The following MYOF variants were observed in gnomAD, a reference collection of about 807,000 sequenced individuals.
MYOF encodes myoferlin.
A neutral mutation model predicts 284.2 loss-of-function variants in MYOF; 244 were observed. That is an observed-to-expected ratio of 0.86 (90% confidence interval 0.77 to 0.95). The LOEUF is 0.95. MYOF is among the 40% of genes least tolerant of loss of function. The pLI, the probability that MYOF is intolerant of heterozygous loss-of-function variation, is 0.00. For missense variants in MYOF, 2,496 were observed against 2,560.6 expected (o/e 0.97, Z 0.54); for synonymous variants, 904 against 919.7 (o/e 0.98, Z 0.31).
At chr10:93,331,119 A>G (rs1324802799) in intron 43 of MYOF, among the ~76,000 whole-genome samples, 3 of 152,272 alleles carry the variant, frequency 2.0e-5, no homozygotes, top group African/African-American at 7.2e-5. Context: ...TGGAACATCA[A>G]TTAATATCCT....
At chr10:93,388,712 GT>G (rs1484473859) in intron 18 of MYOF, among the ~76,000 whole-genome samples, 1 of 152,184 alleles carries the variant, frequency 6.6e-6, no homozygotes, top group Non-Finnish European at 1.5e-5. Context: ...GGGTTTCAGG[GT>G]GCATGCCACT....
intron 3 of MYOF, among the ~76,000 whole-genome samples, chr10:93,432,816 T>G (rs17481297): frequency 0.13 from 19,889 of 152,238 alleles, 1,359 homozygotes; most frequent in Middle Eastern, 0.19. Flanking sequence ...TTTTACTCAC[T>G]ACTCTAACAC....
chr10:93,425,363 T>G (rs1848539893), intron 5 of MYOF, among the ~76,000 whole-genome samples: 1 of 151,938 alleles, frequency 6.6e-6, no homozygotes, highest in Non-Finnish European at 1.5e-5. Flanking sequence ...GACAGAGACT[T>G]TTAGCATCAC....
chr10:93,381,290 T>A lies in MYOF; in HGVS notation c.1805A>T (p.Tyr602Phe), dbSNP rs1467316480. 6.2e-7 allele frequency: 1 copy of A among 1,614,208 alleles called. No homozygotes were observed. Among genetic ancestry groups the A allele is most frequent in the Non-Finnish European group, 8.5e-7 (1 of 1,180,042 alleles). Residue 602 changes from tyrosine (Y) to phenylalanine (F), a missense_variant, in exon 20 of 54, where the codon TAT (tyrosine) becomes TTT (phenylalanine). Tyr to Phe is a conservative substitution (Grantham distance 22, BLOSUM62 3). Coordinates refer to ENST00000359263, the MANE Select transcript of MYOF (RefSeq NM_013451.4). ...AIQFEVSIGN[Y>F]GNKFDTTCKP... ...ACAGGTGGTGTCAAACTTGTTGCCA[T>A]AGTTCCCAATGCTGACTTCAAACTG...
intron 5 of MYOF, chr10:93,425,732 C>T: frequency 3.4e-6 from 1 of 292,660 alleles, no homozygotes; most frequent in Non-Finnish European, 6.5e-6. Flanking sequence ...GGGGCCACTC[C>T]TTGAGCCAAA....
intron 19 of MYOF, among the ~76,000 whole-genome samples, chr10:93,386,186 T>C (rs922044183): frequency 1.3e-5 from 2 of 152,242 alleles, no homozygotes; most frequent in African/African-American, 2.4e-5. Context: ...AGAACCACCA[T>C]GTGTCTCCAC....
At chr10:93,386,466 T>A (rs1589481652) in intron 19 of MYOF, among the ~76,000 whole-genome samples, 1 of 152,170 alleles carries the variant, frequency 6.6e-6, no homozygotes, top group Admixed American at 6.5e-5. Context: ...GGGGAAGAAC[T>A]ATTTATTTTC....
chr10:93,353,416 A>G (rs915610283), intron 32 of MYOF, among the ~76,000 whole-genome samples: 4 of 152,224 alleles, frequency 2.6e-5, no homozygotes, highest in African/African-American at 9.6e-5. Flanking sequence ...CAAATGGGCA[A>G]ACTTATCATC....
intron 6 of MYOF, 138 bp from the exon 7 acceptor site, chr10:93,409,053 C>A: frequency 1.5e-6 from 2 of 1,337,108 alleles, no homozygotes; most frequent in South Asian, 1.4e-5. Context: ...ATACCAGGTG[C>A]TACCAATTGG....
In MYOF at chr10:93,306,471, A is replaced by C. The variant is rs1371436225; in HGVS notation, c.*492T>G. On this transcript the variant is annotated 3_prime_UTR_variant, in exon 54 of 54. Transcript: ENST00000359263. ...TATTTAGTTTCATTACAGAGGTTAA[A>C]TAGACTTTTATGACATCCATACAAA... is the stretch of plus-strand genomic sequence containing the variant. The C allele has an allele frequency of 6.5e-6, 1 of 153,072 alleles. No homozygotes were observed. The highest frequency in any genetic ancestry group is 6.5e-5 in the Admixed American group (1 of 15,292). 9.5% of individuals were successfully genotyped at this position (153,072 alleles called of 1,614,324 possible). A position where few individuals can be genotyped will look rare whatever the true frequency, so the allele number is the denominator to read the frequency against.
In MYOF at chr10:93,449,371, G is replaced by A. The variant is rs951874470; in HGVS notation, c.236+2679C>T. Among the ~76,000 whole-genome samples the A allele has an allele frequency of 1.2e-4, 19 of 152,280 alleles. 1 individual carries two copies. The highest frequency in any genetic ancestry group is 1.0e-3 in the Admixed American group (16 of 15,302). On this transcript the variant is annotated intron_variant, in intron 3 of 53. Transcript: ENST00000359263. ...CCTGCACTGTATTTCTGTTGGAGAGGCCTGGTCTAGAATATAAACAGTGGT... is the reference window on the plus strand; with the variant it reads ...CCTGCACTGTATTTCTGTTGGAGAGACCTGGTCTAGAATATAAACAGTGGT...
chr10:93,377,535 CAA>C, intron 21 of MYOF, 106 bp from the exon 22 acceptor site: 1 of 809,846 alleles, frequency 1.2e-6, no homozygotes, highest in Non-Finnish European at 1.9e-6. Flanking sequence ...TTTGTATATT[CAA>C]AAAACAAATA....
intron 1 of MYOF, among the ~76,000 whole-genome samples, chr10:93,466,409 A>T (rs2057010200): frequency 6.6e-6 from 1 of 152,216 alleles, no homozygotes; most frequent in Non-Finnish European, 1.5e-5. Context: ...CTCCACACCC[A>T]GTGCCCCACT....
At chr10:93,431,561 AG>A (rs1278718145) in intron 3 of MYOF, 45 bp from the exon 4 acceptor site, 1 of 1,488,526 alleles carries the variant, frequency 6.7e-7, no homozygotes, top group Non-Finnish European at 9.3e-7. Context: ...AGTAGGAGAT[AG>A]GCTTCCAATG....
chr10:93,361,330 G>T, intron 28 of MYOF, 122 bp downstream of exon 28: 5 of 892,364 alleles, frequency 5.6e-6, no homozygotes, highest in Non-Finnish European at 8.7e-6. Flanking sequence ...TCTGGCCTGG[G>T]GGCTGGGGAC....
rs746517983 is a variant in MYOF, at chr10:93,392,943, GAAGAT to G, written c.1425_1429del (p.Ser476GlyfsTer44). 3.7e-6 allele frequency: 6 copies of G among 1,612,102 alleles called. No homozygotes were observed. Among genetic ancestry groups the G allele is most frequent in the Admixed American group, 1.7e-5 (1 of 59,992 alleles). ...TGTATATGATGCAGCCCCAGTTCCC[GAAGAT>G]GAGAAATCTATATAGTAAAAATATG... On this transcript the variant is annotated frameshift_variant, in exon 17 of 54. Coordinates refer to ENST00000359263, the MANE Select transcript of MYOF (RefSeq NM_013451.4). LOFTEE classifies it high-confidence loss of function.
rs1330835182 is a variant in MYOF at position 93,478,833 on chromosome 10, A to AG, written c.88+3273_88+3274insC. On this transcript the variant is annotated intron_variant, in intron 1 of 53. Transcript: ENST00000359263. ...GCAGGGTGAAACAGTCTCAAAAAAA[A>AG]AAAAAAAAAAGAAAGAAAGAAAGAA... Among the ~76,000 whole-genome samples the AG allele has an allele frequency of 4.2e-3, 417 of 99,224 alleles. 3 individuals carry two copies. Among genetic ancestry groups the AG allele is most frequent in the Middle Eastern group, 9.8e-3 (2 of 204 alleles). The allele number at this position is 99,224 out of a possible 152,430, so 65.1% of individuals were successfully genotyped here. A position where few individuals can be genotyped will look rare whatever the true frequency, so the allele number is the denominator to read the frequency against.
intron 39 of MYOF, among the ~76,000 whole-genome samples, chr10:93,339,594 C>T (rs1300283758): frequency 5.0e-5 from 6 of 120,112 alleles, no homozygotes; most frequent in Non-Finnish European, 1.1e-4. Flanking sequence ...CTCAGCCTCC[C>T]GAAAATCTGG....
At chr10:93,368,455 C>T (rs1845425460) in intron 25 of MYOF, among the ~76,000 whole-genome samples, 1 of 152,180 alleles carries the variant, frequency 6.6e-6, no homozygotes, top group African/African-American at 2.4e-5. Flanking sequence ...GCAATCATTG[C>T]AATAGATTGT....
Sources: allele counts gnomAD v4.1 joint callset (sites outside exome capture counted in the v4.1 genomes callset), GRCh38; gene constraint gnomAD v4.1.1; transcripts MANE v1.5; gene names NCBI Gene and HGNC (gene_info 2026-07-23, HGNC 2026-07-21).